Variants in SACS observed in about 807,000 individuals in gnomAD.
The protein encoded by SACS is sacsin molecular chaperone, also known as sacsin.
A neutral mutation model predicts 348.0 loss-of-function variants in SACS; 197 were observed. The ratio of observed to expected loss-of-function variants is 0.57; its 90% CI spans 0.50 to 0.64. The LOEUF is 0.64. SACS is among the 30% of genes least tolerant of loss of function. The probability of loss-of-function intolerance (pLI) is 0.00; values close to 1 mark genes in which losing one functional copy is unlikely to be tolerated. For missense variants in SACS, 4,999 were observed against 5,360.8 expected, an observed-to-expected ratio of 0.93 and a Z score of 2.11; for synonymous variants, 1,985 against 1,910.6, an observed-to-expected ratio of 1.04 and a Z score of -1.02.
chr13:23,365,244 T>C lies in SACS; in HGVS notation c.379A>G (p.Thr127Ala). The C allele has an allele frequency of 6.2e-7, 1 of 1,611,520 alleles. No homozygotes were observed. The highest frequency in any genetic ancestry group is 8.5e-7 in the Non-Finnish European group (1 of 1,179,070). The change falls in exon 6 of 10, where the codon ACA (threonine) becomes GCA (alanine). Residue 127 changes from threonine (T) to alanine (A), a missense_variant. By Grantham distance (58) the Thr-to-Ala change is moderately conservative. Around this residue, in one of 6 missense-constraint regions of SACS, gnomAD observed 3,156 missense variants for 3,380.1 expected, o/e 0.93. Coordinates refer to ENST00000382292, the MANE Select transcript of SACS (RefSeq NM_014363.6). ...LIQNAEDAGA[T>A]EVKFLYDETQ... ...TCATCATATAAAAATTTAACTTCTG[T>C]CGCCCCAGCATCTTCTGCATTCTGA... is the stretch of plus-strand genomic sequence containing the variant.
Position 23,341,095 on chromosome 13 carries a change from G to A in SACS, c.2781C>T (p.Phe927=), listed in dbSNP as rs750244788. 1.2e-6 allele frequency: 2 copies of A among 1,613,874 alleles called. No individual in the cohort carries two copies. The highest frequency in any genetic ancestry group is 1.7e-6 in the Non-Finnish European group (2 of 1,180,006). ...EKRIIQELAI[F]KRINHSSDQG... ...GATCAGAAGAATGGTTAATGCGCTTGAATATTGCCAATTCTTGAATAATTC... is the reference window on the plus strand; with the variant it reads ...GATCAGAAGAATGGTTAATGCGCTTAAATATTGCCAATTCTTGAATAATTC... Residue 927 remains phenylalanine, a synonymous_variant, in exon 10 of 10, where the codon TTC becomes TTT. Transcript: ENST00000382292.
rs767818359 is a variant in SACS at position 23,355,357 on chromosome 13, T to C, written c.1255A>G (p.Ile419Val). The C allele has an allele frequency of 4.0e-5, 65 of 1,614,034 alleles. No individual in the cohort carries two copies. Among genetic ancestry groups the C allele is most frequent in the African/African-American group, 1.3e-4 (10 of 74,912 alleles). ...GATAAAGGCATGGCTATTCCAATGA[T>C]TGGGACAAATTTCAGTTCATCAGCT... ...SLADELKFVPIIGIAMPLSSR... is the reference protein window; with the variant it reads ...SLADELKFVPVIGIAMPLSSR... The change falls in exon 8 of 10, where the codon ATC becomes GTC. Residue 419 changes from isoleucine to valine, a missense_variant. Physicochemically the swap from Ile to Val is conservative, Grantham distance 29. This residue lies in a region of SACS where 3,156 missense variants were observed against 3,380.1 expected (regional missense o/e 0.93). Transcript: ENST00000382292.
At chr13:23,396,716 A>ATACATGCCTAACATGTGTATGT (rs1872725491) in intron 2 of SACS, among the ~76,000 whole-genome samples, 1 of 152,194 alleles carries the variant, frequency 6.6e-6, no homozygotes, top group Non-Finnish European at 1.5e-5. Flanking sequence ...TAATTTTGTG[A>ATACATGCCTAACATGTGTATGT]TACATGCCTA....
rs1209389106 is a variant in SACS, at chr13:23,337,213, T to C, written c.6663A>G (p.Lys2221=). Residue 2221 remains lysine (K), a synonymous_variant, in exon 10 of 10, where the codon AAA becomes AAG. Transcript: ENST00000382292. The part of the protein sequence containing the change: ...QTIRFLPFLT[K]PAGFSLDWKG... ...TCCAGTCCAAAGAAAAACCTGCTGG[T>C]TTTGTCAGAAATGGAAGGAAGCGGA... is the stretch of plus-strand genomic sequence containing the variant. 4 of 1,613,866 alleles carry C rather than the reference T, an allele frequency of 2.5e-6. No homozygotes were observed. Among genetic ancestry groups the C allele is most frequent in the Non-Finnish European group, 3.4e-6 (4 of 1,179,914 alleles).
Position 23,396,323 on chromosome 13 carries a change from CAA to C in SACS, c.20+14895_20+14896del, listed in dbSNP as rs61118133. ...TGGGCGACAGAGCCAGAATCTGTCTCAAAAAAAAAAAAAAAAGAACTTATATA... is the reference window on the plus strand; with the variant it reads ...TGGGCGACAGAGCCAGAATCTGTCTCAAAAAAAAAAAAAAGAACTTATATA... On this transcript the variant is annotated intron_variant, in intron 2 of 9. Transcript: ENST00000382292. Among the ~76,000 whole-genome samples the C allele has an allele frequency of 1.0e-3, 115 of 110,732 alleles. No homozygotes were observed. In the Middle Eastern group the frequency reaches 0.02, roughly 19 times the overall value. The allele number at this position is 110,732 out of a possible 152,430, so 72.6% of individuals were successfully genotyped here. A position where few individuals can be genotyped will look rare whatever the true frequency, so the allele number is the denominator to read the frequency against.
In SACS at chr13:23,329,708, G is replaced by C; in HGVS notation, c.*428C>G. 1 of 504,616 alleles carries C rather than the reference G, an allele frequency of 2.0e-6. No individual in the cohort carries two copies. Among genetic ancestry groups the C allele is most frequent in the Non-Finnish European group, 3.4e-6 (1 of 290,038 alleles). The allele number at this position is 504,616 out of a possible 1,614,324, so 31.3% of individuals were successfully genotyped here. A position where few individuals can be genotyped will look rare whatever the true frequency, so the allele number is the denominator to read the frequency against. On this transcript the variant is annotated 3_prime_UTR_variant, in exon 10 of 10. Coordinates refer to ENST00000382292, the MANE Select transcript of SACS (RefSeq NM_014363.6). Reference sequence around the variant, plus strand: ...AGAGGATCCACTTAAAAAAATGACAGACTACAAAGACTTAATTCCCCTTAT... The same window carrying C: ...AGAGGATCCACTTAAAAAAATGACACACTACAAAGACTTAATTCCCCTTAT...
chr13:23,402,772 C>T (rs911625372), intron 2 of SACS, among the ~76,000 whole-genome samples: 2 of 152,096 alleles, frequency 1.3e-5, no homozygotes, highest in Non-Finnish European at 2.9e-5. Context: ...TTCTGGCAGG[C>T]CCAGGAACCT....
intron 4 of SACS, among the ~76,000 whole-genome samples, chr13:23,368,937 G>C (rs9670978): frequency 0.25 from 37,634 of 152,052 alleles, 5,416 homozygotes; most frequent in Middle Eastern, 0.33. Flanking sequence ...CTGACCTCGT[G>C]ATCCGCCCAC....
chr13:23,356,844 A>G (rs1309677869), intron 7 of SACS, among the ~76,000 whole-genome samples: 1 of 152,222 alleles, frequency 6.6e-6, no homozygotes, highest in East Asian at 1.9e-4. Flanking sequence ...ACGGTCGTCA[A>G]GCACAGCTTC....
chr13:23,413,072 G>A (rs954111925), intron 1 of SACS, among the ~76,000 whole-genome samples: 34 of 151,678 alleles, frequency 2.2e-4, no homozygotes, highest in African/African-American at 7.5e-4. Flanking sequence ...CTTCCTCCCG[G>A]GTTCAATCGA....
chr13:23,330,696 A>G lies in SACS; in HGVS notation c.13180T>C (p.Phe4394Leu). 1.2e-6 allele frequency: 2 copies of G among 1,614,104 alleles called. No individual in the cohort carries two copies. Among genetic ancestry groups the G allele is most frequent in the South Asian group, 1.1e-5 (1 of 91,066 alleles). ...TTCCATGAAGTATAGAATCTCTGAA[A>G]TGAGTATTTGTCTGACTGAAATCGG... is the stretch of plus-strand genomic sequence containing the variant. ...ASRFQSDKYSFQRFYTSWNQE... is the reference protein window; with the variant it reads ...ASRFQSDKYSLQRFYTSWNQE... Residue 4394 changes from phenylalanine to leucine, a missense_variant, in exon 10 of 10, where the codon TTT becomes CTT. Physicochemically the swap from Phe to Leu is conservative, Grantham distance 22 (BLOSUM62 0). This residue lies in a region of SACS where 254 missense variants were observed against 275.1 expected (regional missense o/e 0.92). Transcript: ENST00000382292.
chr13:23,396,045 C>G (rs571526340), intron 2 of SACS, among the ~76,000 whole-genome samples: 6 of 152,024 alleles, frequency 3.9e-5, no homozygotes, highest in Non-Finnish European at 8.8e-5. Context: ...AAATTCAGGC[C>G]GGGTGCAGTA....
In SACS at chr13:23,336,211, A is replaced by G; in HGVS notation, c.7665T>C (p.Asp2555=). 3 of 1,614,102 alleles carry G rather than the reference A, an allele frequency of 1.9e-6. No individual in the cohort carries two copies. The highest frequency in any genetic ancestry group is 2.5e-6 in the Non-Finnish European group (3 of 1,179,946). ...MLKELLQNAD[D]AKATEICFVF... is the part of the protein sequence containing the mutation. The stretch of plus-strand genomic sequence containing the variant: ...CAAAACAGATTTCTGTCGCCTTTGC[A>G]TCATCAGCATTTTGAAGAAGCTCTT... Residue 2555 remains aspartate, a synonymous_variant, in exon 10 of 10, where the codon GAT becomes GAC. Coordinates refer to ENST00000382292, the MANE Select transcript of SACS (RefSeq NM_014363.6).
chr13:23,412,523 T>C (rs1307128634), intron 1 of SACS, among the ~76,000 whole-genome samples: 1 of 151,486 alleles, frequency 6.6e-6, no homozygotes, highest in East Asian at 2.0e-4. Flanking sequence ...AAGTGATTCT[T>C]CTGCCTCAGC....
chr13:23,419,888 G>A (rs1873852071), intron 1 of SACS, among the ~76,000 whole-genome samples: 1 of 152,188 alleles, frequency 6.6e-6, no homozygotes, highest in South Asian at 2.1e-4. Flanking sequence ...GGACTGGTGT[G>A]TACCCCTAGG....
chr13:23,342,452 A>C (rs1168290703), intron 9 of SACS, among the ~76,000 whole-genome samples: 1 of 152,208 alleles, frequency 6.6e-6, no homozygotes, highest in East Asian at 1.9e-4. Flanking sequence ...AGTATCCCTT[A>C]TCTGAATGCT....
chr13:23,382,956 A>ATT (rs67400239), intron 2 of SACS, among the ~76,000 whole-genome samples: 7 of 93,432 alleles, frequency 7.5e-5, no homozygotes, highest in African/African-American at 1.5e-4. Context: ...TGCCCAGCTA[A>ATT]TTTTTTTTTT....
chr13:23,340,475 A>G lies in SACS; in HGVS notation c.3401T>C (p.Val1134Ala), dbSNP rs1189041783. 1.2e-6 allele frequency: 2 copies of G among 1,613,106 alleles called. No homozygotes were observed. The highest frequency in any genetic ancestry group is 2.2e-5 in the East Asian group (1 of 44,890). Residue 1134 changes from valine to alanine, a missense_variant, in exon 10 of 10, where the codon GTT becomes GCT. Transcript: ENST00000382292. ...CAACAGTGTGTGATTCTTATTTAAA[A>G]CCAGTAAGAGGGTTTTGGCTTTCTT... The part of the protein sequence containing the change: ...LLKKAKTLLL[V>A]LNKNHTLLQS...
rs1388085773 is a variant in SACS, at chr13:23,340,307, C to G, written c.3569G>C (p.Gly1190Ala). The part of the protein sequence containing the change: ...LCAPPDMCDV[G>A]HAILIGSSLP... ...TGAGGAGCCAATGAGAATTGCATGG[C>G]CTACATCACACATATCTGGTGGTGC... Residue 1190 changes from glycine to alanine, a missense_variant, in exon 10 of 10, where the codon GGC becomes GCC. Physicochemically the swap from Gly to Ala is moderately conservative, Grantham distance 60. This residue lies in a region of SACS where 3,156 missense variants were observed against 3,380.1 expected (regional missense o/e 0.93). Coordinates refer to ENST00000382292, the MANE Select transcript of SACS (RefSeq NM_014363.6). 1 of 1,613,914 alleles carries G rather than the reference C, an allele frequency of 6.2e-7. No individual in the cohort carries two copies. Among genetic ancestry groups the G allele is most frequent in the East Asian group, 2.2e-5 (1 of 44,874 alleles).
Sources: allele counts gnomAD v4.1 joint callset (sites outside exome capture counted in the v4.1 genomes callset), GRCh38; gene constraint gnomAD v4.1.1; regional missense constraint gnomAD v4.1.1; transcripts MANE v1.5; gene names NCBI Gene and HGNC (gene_info 2026-07-23, HGNC 2026-07-21).